The following CACNA1B variants were observed in gnomAD, a reference collection of about 807,000 sequenced individuals.
The protein encoded by CACNA1B is voltage-dependent N-type calcium channel subunit alpha-1B.
A neutral mutation model predicts 247.2 loss-of-function variants in CACNA1B; 70 were observed. The ratio of observed to expected loss-of-function variants is 0.28; its 90% CI spans 0.23 to 0.35. The LOEUF (loss-of-function observed/expected upper bound fraction) is 0.35, where lower values mean the gene tolerates loss of function less well. Among genes scored for constraint, CACNA1B ranks in the 10% least tolerant of loss-of-function variants. The pLI, the probability that CACNA1B is intolerant of heterozygous loss-of-function variation, is 1.00. For synonymous variants in CACNA1B, 1,231 were observed against 1,294.4 expected (o/e 0.95, Z 1.05); for missense variants, 2,367 against 3,197.4 (o/e 0.74, Z 6.26).
intron 31 of CACNA1B, among the ~76,000 whole-genome samples, chr9:138,067,137 CATTACTAGAAAAATATAAATGACTGA>C (rs1281653909): frequency 6.6e-6 from 1 of 152,082 alleles, no homozygotes; most frequent in Admixed American, 6.5e-5. Flanking sequence ...TAAGTGAACA[CATTACTAGAAAAATATAAATGACTGA>C]ATGTGACAAA....
At chr9:138,090,701 CAAAAAAAAAAAAAAAAAAAA>C (rs1173964720) in intron 36 of CACNA1B, among the ~76,000 whole-genome samples, 1 of 16,594 alleles carries the variant, frequency 6.0e-5, no homozygotes, top group Non-Finnish European at 8.9e-5. Flanking sequence ...AACCCATCAG[CAAAAAAAAAAAAAAAAAAAA>C]AAAAAAAAAA....
intron 10 of CACNA1B, among the ~76,000 whole-genome samples, chr9:137,965,224 G>A (rs906257492): frequency 1.3e-5 from 2 of 152,262 alleles, no homozygotes; most frequent in African/African-American, 4.8e-5. Context: ...TGATAGAGCA[G>A]CTGTGCTGTT....
chr9:137,883,108 G>T, intron 3 of CACNA1B: 1 of 563,136 alleles, frequency 1.8e-6, no homozygotes, highest in East Asian at 3.1e-5. Context: ...ACGGATCACA[G>T]TGACCTGTCC....
Position 138,110,823 on chromosome 9 carries a change from A to G in CACNA1B, c.5429-1575A>G, listed in dbSNP as rs919843254. Among the ~76,000 whole-genome samples the G allele has an allele frequency of 2.0e-5, 3 of 152,210 alleles. No homozygotes were observed. In the East Asian group the frequency reaches 5.8e-4, roughly 29 times the overall value. On this transcript the variant is annotated intron_variant, in intron 39 of 46. Coordinates refer to ENST00000371372, the MANE Select transcript of CACNA1B (RefSeq NM_000718.4). ...TATCTGCTATAGGATTAGTATTCCTAATATATGAAGAACTGTCACAACTCC... is the reference window on the plus strand; with the variant it reads ...TATCTGCTATAGGATTAGTATTCCTGATATATGAAGAACTGTCACAACTCC...
intron 15 of CACNA1B, among the ~76,000 whole-genome samples, chr9:137,992,433 T>G (rs781392420): frequency 2.0e-5 from 3 of 152,192 alleles, no homozygotes; most frequent in Non-Finnish European, 4.4e-5. Flanking sequence ...CTCTGAAATT[T>G]ATAAAACAAT....
At chr9:138,033,959 G>A (rs1199638949) in intron 20 of CACNA1B, among the ~76,000 whole-genome samples, 2 of 152,122 alleles carry the variant, frequency 1.3e-5, no homozygotes, top group African/African-American at 4.8e-5. Flanking sequence ...TTGACAGATG[G>A]GAATAGAAGT....
chr9:138,071,189 A>T (rs1960121245), intron 32 of CACNA1B, among the ~76,000 whole-genome samples: 1 of 152,226 alleles, frequency 6.6e-6, no homozygotes, highest in Non-Finnish European at 1.5e-5. Context: ...AAAGCTGAGG[A>T]TTGAAGGGTT....
intron 32 of CACNA1B, among the ~76,000 whole-genome samples, chr9:138,071,553 G>A (rs570829888): frequency 1.1e-4 from 17 of 152,284 alleles, no homozygotes; most frequent in Admixed American, 6.5e-4. Context: ...CAGGGCGCCC[G>A]TCTCCTGCCC....
rs2278972 is a variant in CACNA1B at position 138,120,899 on chromosome 9, A to G, written c.6489+18A>G. ...ACCCACAGGTAAGAGGAATAGGTGG[A>G]GAGGTCAGGGCCCAGCTGCCTCTCC... On this transcript the variant is annotated intron_variant, in intron 46 of 46. Coordinates refer to ENST00000371372, the MANE Select transcript of CACNA1B (RefSeq NM_000718.4). The G allele has an allele frequency of 0.36, 560,313 of 1,551,170 alleles. 104,115 individuals are homozygous for G. The highest frequency in any genetic ancestry group is 0.52 in the Middle Eastern group (3,113 of 5,956).
rs1455134094 is a variant in CACNA1B at position 138,102,571 on chromosome 9, G to A, written c.5223-140G>A. On this transcript the variant is annotated intron_variant, in intron 37 of 46. Transcript: ENST00000371372. The surrounding 1 kb of genome is among the most constrained non-coding windows in gnomAD (Gnocchi z 5.4). ...TATTTTGATTTTGGGCTTTGAATCC[G>A]ACACTTTGATTAACTGGCTCTGTTT... is the stretch of plus-strand genomic sequence containing the variant. 4 of 536,306 alleles carry A rather than the reference G, an allele frequency of 7.5e-6. No individual in the cohort carries two copies. The East Asian group carries it at 9.6e-5, about 13-fold the overall frequency. The allele number at this position is 536,306 out of a possible 1,614,324, so 33.2% of individuals were successfully genotyped here.
chr9:138,013,020 CTG>C (rs1455371702), intron 17 of CACNA1B, 107 bp from the exon 18 acceptor site: 20 of 767,114 alleles, frequency 2.6e-5, no homozygotes, highest in Non-Finnish European at 4.1e-5. Context: ...GAGAGCAGCA[CTG>C]TGTATTTTTT....
At position 138,059,239 on chromosome 9, in the gene CACNA1B, C is replaced by A; in HGVS notation, c.4584+50C>A. The stretch of plus-strand genomic sequence containing the variant: ...CCTTTTGACAACCTATATTCTGGTT[C>A]CCCATCTGTAGGGCGACCTTTGGGG... On this transcript the variant is annotated intron_variant, in intron 30 of 46. Coordinates refer to ENST00000371372, the MANE Select transcript of CACNA1B (RefSeq NM_000718.4). This position sits in a 1 kb window ranked among gnomAD's most constrained non-coding sequence, Gnocchi z 4.2. The A allele has an allele frequency of 2.7e-6, 3 of 1,131,060 alleles. No homozygotes were observed. Among genetic ancestry groups the A allele is most frequent in the Non-Finnish European group, 4.0e-6 (3 of 751,158 alleles). The allele number at this position is 1,131,060 out of a possible 1,614,324, so 70.1% of individuals were successfully genotyped here. A position where few individuals can be genotyped will look rare whatever the true frequency, so the allele number is the denominator to read the frequency against.
intron 3 of CACNA1B, among the ~76,000 whole-genome samples, chr9:137,909,599 C>A (rs1005629903): frequency 2.0e-5 from 3 of 152,182 alleles, no homozygotes; most frequent in African/African-American, 7.2e-5. Context: ...CGCACACATT[C>A]ATCAGGTGAT....
intron 16 of CACNA1B, among the ~76,000 whole-genome samples, chr9:138,008,891 A>G (rs1297764771): frequency 6.6e-6 from 1 of 152,166 alleles, no homozygotes; most frequent in African/African-American, 2.4e-5. Context: ...CCCATAGAGG[A>G]TTGCCCAGCC....
intron 22 of CACNA1B, 118 bp from the exon 23 acceptor site, chr9:138,047,281 G>C (rs1400372403): frequency 4.9e-6 from 4 of 819,306 alleles, no homozygotes; most frequent in African/African-American, 1.7e-5. Flanking sequence ...TTTTCCACAG[G>C]CTTCCTGGCT....
chr9:138,120,926 C>G, intron 46 of CACNA1B, 45 bp downstream of exon 46: 1 of 1,525,230 alleles, frequency 6.6e-7, no homozygotes, highest in Non-Finnish European at 8.8e-7. Context: ...TGCCTCTCCT[C>G]GGCCCAGCAC....
chr9:137,986,889 C>T lies in CACNA1B; in HGVS notation c.1974+35C>T, dbSNP rs780808966. On this transcript the variant is annotated intron_variant, in intron 15 of 46. Transcript: ENST00000371372. This position sits in a 1 kb window ranked among gnomAD's most constrained non-coding sequence, Gnocchi z 6.0. ...CTGCTCTGCACATTTGCGGCCTGCC[C>T]GGCTCCCGTCTCCCCTGGGTGCTGG... 27 of 1,493,360 alleles carry T rather than the reference C, an allele frequency of 1.8e-5. No individual in the cohort carries two copies. The highest frequency in any genetic ancestry group is 5.7e-5 in the South Asian group (5 of 88,484). The allele number at this position is 1,493,360 out of a possible 1,614,324, so 92.5% of individuals were successfully genotyped here.
chr9:137,936,562 T>A (rs1957671268), intron 6 of CACNA1B, among the ~76,000 whole-genome samples: 1 of 152,246 alleles, frequency 6.6e-6, no homozygotes, highest in Non-Finnish European at 1.5e-5. Context: ...CCCATGTCTA[T>A]GTCCTGAATG....
intron 6 of CACNA1B, among the ~76,000 whole-genome samples, chr9:137,933,340 C>T (rs991259733): frequency 6.6e-5 from 10 of 152,148 alleles, no homozygotes; most frequent in African/African-American, 1.7e-4. Flanking sequence ...TGTGAGTCAC[C>T]GCGTCCGGCA....
Sources: allele counts gnomAD v4.1 joint callset (sites outside exome capture counted in the v4.1 genomes callset), GRCh38; gene constraint gnomAD v4.1.1; non-coding constraint Gnocchi (gnomAD v3.1); transcripts MANE v1.5; gene names NCBI Gene and HGNC (gene_info 2026-07-23, HGNC 2026-07-21).